The following TIAM1 variants were observed in gnomAD, a reference collection of about 807,000 sequenced individuals.
TIAM1 encodes TIAM Rac1 associated GEF 1, also known as rho guanine nucleotide exchange factor TIAM1.
In TIAM1, 65 loss-of-function variants were observed where a neutral mutation model predicts 163.5. The ratio of observed to expected loss-of-function variants is 0.40; its 90% CI spans 0.33 to 0.49. The LOEUF is 0.49. Among genes scored for constraint, TIAM1 ranks in the 20% least tolerant of loss-of-function variants. TIAM1 has a pLI of 0.77. For missense variants in TIAM1, 1,789 were observed against 2,044.7 expected (o/e 0.87, Z 2.41); for synonymous variants, 833 against 810.1 (o/e 1.03, Z -0.48).
At chr21:31,347,848 C>T (rs1165204265), upstream of TIAM1, among the ~76,000 whole-genome samples, 1 of 151,452 alleles carries the variant, frequency 6.6e-6, no homozygotes. Flanking sequence ...CAAACCCTGA[C>T]ACCCTTAGGA....
At chr21:31,263,427 G>T (rs549357808) in intron 4 of TIAM1, among the ~76,000 whole-genome samples, 1 of 152,298 alleles carries the variant, frequency 6.6e-6, no homozygotes, top group African/African-American at 2.4e-5. Flanking sequence ...GATTTTATGA[G>T]ACACCACCTT....
chr21:31,185,146 A>G (rs1214524208), intron 14 of TIAM1, among the ~76,000 whole-genome samples: 2 of 151,940 alleles, frequency 1.3e-5, no homozygotes, highest in Non-Finnish European at 2.9e-5. Context: ...AATACATATT[A>G]TTTTGCCACT....
chr21:31,141,344 C>T lies in TIAM1; in HGVS notation c.3636G>A (p.Glu1212=), dbSNP rs759612038. 13 of 1,614,180 alleles carry T rather than the reference C, an allele frequency of 8.1e-6. No homozygotes were observed. In the African/African-American group the frequency reaches 1.6e-4, roughly 20 times the overall value. ...ELFALTDAES[E]EHYHLDVAIK... ...GCCTACCGTCCAGGTGGTAGTGCTC[C>T]TCGCTCTCCGCATCGGTCAGGGCGA... Residue 1212 remains glutamate (E), a synonymous_variant, in exon 21 of 28, where the codon GAG becomes GAA. Coordinates refer to ENST00000541036, the MANE Select transcript of TIAM1 (RefSeq NM_001353694.2). The surrounding 1 kb of genome is among the most constrained non-coding windows in gnomAD (Gnocchi z 4.7).
intron 6 of TIAM1, among the ~76,000 whole-genome samples, chr21:31,239,278 G>A (rs558612699): frequency 1.6e-4 from 25 of 152,082 alleles, no homozygotes; most frequent in African/African-American, 4.3e-4. Context: ...ACATGCCATC[G>A]TGTCCAGCTA....
chr21:31,143,420 C>T (rs967613025), intron 20 of TIAM1, among the ~76,000 whole-genome samples: 10 of 150,070 alleles, frequency 6.7e-5, no homozygotes, highest in African/African-American at 2.5e-4. Flanking sequence ...ACCCTCTCCC[C>T]GCAAAAAACA....
chr21:31,262,261 A>G lies in TIAM1; in HGVS notation c.963+3749T>C, dbSNP rs2072520653. Among the ~76,000 whole-genome samples, 3 of 152,206 alleles carry G rather than the reference A, an allele frequency of 2.0e-5. No individual in the cohort carries two copies. In the South Asian group the frequency reaches 6.2e-4, roughly 31 times the overall value. On this transcript the variant is annotated intron_variant, in intron 4 of 27. Coordinates refer to ENST00000541036, the MANE Select transcript of TIAM1 (RefSeq NM_001353694.2). ...GAGATCCATGGAAGTCAAATAACCA[A>G]GAGGTAACAACCTCAAAGTTGCAAG...
chr21:31,407,747 T>A (rs2077272294), intron 2 of TIAM1, among the ~76,000 whole-genome samples: 1 of 149,600 alleles, frequency 6.7e-6, no homozygotes, highest in Admixed American at 6.7e-5. Flanking sequence ...GCAGTTCTCC[T>A]GCCTCAGCCT....
intron 1 of TIAM1, among the ~76,000 whole-genome samples, chr21:31,482,008 C>T (rs764370408): frequency 2.0e-5 from 3 of 150,948 alleles, no homozygotes; most frequent in African/African-American, 7.4e-5. Flanking sequence ...GACATTCCAT[C>T]GCTCCAGAGA....
rs116307093 is a variant in TIAM1, at chr21:31,158,142, G to A, written c.2992-3716C>T. On this transcript the variant is annotated intron_variant, in intron 16 of 27. Transcript: ENST00000541036. ...CATCCTTAGTTTGAAGCAGGCCTGT[G>A]GGGTGAGCTCAGGTTAGTAGGATGC... Among the ~76,000 whole-genome samples, 1,179 of 152,250 alleles carry A rather than the reference G, an allele frequency of 7.7e-3. 19 individuals are homozygous for A. The highest frequency in any genetic ancestry group is 0.027 in the African/African-American group (1,109 of 41,530).
chr21:31,175,266 T>C (rs2146408230), intron 15 of TIAM1, among the ~76,000 whole-genome samples: 1 of 152,214 alleles, frequency 6.6e-6, no homozygotes, highest in Non-Finnish European at 1.5e-5. Context: ...TTTATTGTAA[T>C]CCTGTGGGCT....
intron 16 of TIAM1, among the ~76,000 whole-genome samples, chr21:31,155,606 G>A (rs893340282): frequency 3.3e-5 from 5 of 152,132 alleles, no homozygotes; most frequent in African/African-American, 9.6e-5. Flanking sequence ...CCGGGTTCAC[G>A]CCATTCTCCT....
At chr21:31,195,503 A>AG (rs1335531207) in intron 12 of TIAM1, among the ~76,000 whole-genome samples, 198 bp from the exon 13 acceptor site, 1 of 152,238 alleles carries the variant, frequency 6.6e-6, no homozygotes, top group Admixed American at 6.5e-5. Flanking sequence ...ACATAGCCAC[A>AG]GTTTGGTTTC....
upstream of TIAM1, among the ~76,000 whole-genome samples, chr21:31,348,651 T>C (rs1243417169): frequency 6.6e-6 from 1 of 152,224 alleles, no homozygotes; most frequent in Non-Finnish European, 1.5e-5. Flanking sequence ...GGTCTAAATA[T>C]GGATCCATCC....
intron 1 of TIAM1, among the ~76,000 whole-genome samples, chr21:31,518,240 G>C (rs2047447060): frequency 6.6e-6 from 1 of 152,022 alleles, no homozygotes; most frequent in Admixed American, 6.6e-5. Flanking sequence ...TGGGACTTCT[G>C]GTCTCAGAAC....
chr21:31,359,549 C>A (rs1236613860), intron 2 of TIAM1, among the ~76,000 whole-genome samples: 1 of 152,080 alleles, frequency 6.6e-6, no homozygotes, highest in Non-Finnish European at 1.5e-5. Flanking sequence ...AATCCCAGCA[C>A]TTTGGGAGGC....
At chr21:31,430,243 T>C (rs1179695133) in intron 2 of TIAM1, among the ~76,000 whole-genome samples, 2,861 of 130,982 alleles carry the variant, frequency 0.022, 153 homozygotes, top group African/African-American at 0.087. Flanking sequence ...TATATATATA[T>C]ATATACACAC....
chr21:31,334,488 T>G (rs1170984934), intron 2 of TIAM1, among the ~76,000 whole-genome samples: 1 of 152,142 alleles, frequency 6.6e-6, no homozygotes, highest in South Asian at 2.1e-4. Flanking sequence ...TTACACATAT[T>G]GATGCTGTTT....
chr21:31,153,923 G>C (rs1352513847), intron 17 of TIAM1, among the ~76,000 whole-genome samples: 1 of 151,984 alleles, frequency 6.6e-6, no homozygotes, highest in Non-Finnish European at 1.5e-5. Flanking sequence ...ACGGGGCTGG[G>C]CATGGTGGCA....
At chr21:31,153,173 T>C in intron 17 of TIAM1, 39 bp from the exon 18 acceptor site, 1 of 1,500,378 alleles carries the variant, frequency 6.7e-7, no homozygotes, top group Non-Finnish European at 9.2e-7. Flanking sequence ...TTATGTGTTT[T>C]ATTTTTTATA....
Sources: allele counts gnomAD v4.1 joint callset (sites outside exome capture counted in the v4.1 genomes callset), GRCh38; gene constraint gnomAD v4.1.1; non-coding constraint Gnocchi (gnomAD v3.1); transcripts MANE v1.5; gene names NCBI Gene and HGNC (gene_info 2026-07-23, HGNC 2026-07-21).